Variants in LRRC37A2 observed in about 807,000 individuals in gnomAD.
LRRC37A2 encodes the protein leucine rich repeat containing 37 member A2.
Under a neutral mutation model 68.8 loss-of-function variants are expected in LRRC37A2, and 9 were observed. That is an observed-to-expected ratio of 0.13 (90% CI 0.08 to 0.23). The LOEUF (loss-of-function observed/expected upper bound fraction) is 0.23, where lower values mean the gene tolerates loss of function less well. LRRC37A2 is among the 10% of genes least tolerant of loss of function. LRRC37A2 has a pLI of 1.00. For synonymous variants in LRRC37A2, 63 were observed against 367.6 expected, an observed-to-expected ratio of 0.17 and a Z score of 9.48; for missense variants, 168 against 950.4, an observed-to-expected ratio of 0.18 and a Z score of 10.82.
chr17:46,717,600 T>C, the LRRC37A2 span, among the ~76,000 whole-genome samples: 2 of 152,070 alleles, frequency 1.3e-5, no homozygotes, highest in Non-Finnish European at 2.9e-5. Context: ...TAATGCCAGC[T>C]ACTCAGGAGG....
At chr17:46,955,330 G>A in the LRRC37A2 span, among the ~76,000 whole-genome samples, 113 of 151,176 alleles carry the variant, frequency 7.5e-4, 1 homozygote, top group South Asian at 0.012. Flanking sequence ...ATTGATTTTC[G>A]TATGTTGAAC....
At chr17:46,793,459 CTT>C in the LRRC37A2 span, among the ~76,000 whole-genome samples, 1 of 152,036 alleles carries the variant, frequency 6.6e-6, no homozygotes, top group South Asian at 2.1e-4. Context: ...GCCTATCAGT[CTT>C]TTTTCTTTCG....
chr17:46,739,956 T>C, the LRRC37A2 span, among the ~76,000 whole-genome samples: 1 of 152,208 alleles, frequency 6.6e-6, no homozygotes, highest in Non-Finnish European at 1.5e-5. Context: ...CTCCTCAGCC[T>C]CCCAAAGTGC....
At chr17:46,924,053 A>G in the LRRC37A2 span, among the ~76,000 whole-genome samples, 1 of 152,224 alleles carries the variant, frequency 6.6e-6, no homozygotes, top group Non-Finnish European at 1.5e-5. Context: ...TACATTCACA[A>G]CTTACATCAC....
At chr17:46,931,204 G>A in the LRRC37A2 span, 492,978 of 1,435,212 alleles carry the variant, frequency 0.34, 85,927 homozygotes, top group South Asian at 0.43. Context: ...CAAAATGCCA[G>A]ACTGTAAGTG....
chr17:46,394,798 G>A, the LRRC37A2 span, among the ~76,000 whole-genome samples: 29 of 18,184 alleles, frequency 1.6e-3, no homozygotes, highest in East Asian at 0.015. Context: ...ATAGACCCAA[G>A]ATAATTGAAA....
chr17:46,621,349 C>T, the LRRC37A2 span, among the ~76,000 whole-genome samples: 20 of 137,856 alleles, frequency 1.5e-4, 1 homozygote, highest in East Asian at 3.8e-3. Flanking sequence ...TACAGTGACA[C>T]GATCTCAGCT....
chr17:46,720,906 G>T, the LRRC37A2 span, among the ~76,000 whole-genome samples: 2 of 152,226 alleles, frequency 1.3e-5, no homozygotes, highest in Non-Finnish European at 2.9e-5. Context: ...ATCCCGAAAG[G>T]CTGGGATTAA....
chr17:46,876,274 T>C, the LRRC37A2 span: 1 of 1,613,266 alleles, frequency 6.2e-7, no homozygotes, highest in South Asian at 1.1e-5. Context: ...GGACCACGTG[T>C]AAGTGCCATG....
the LRRC37A2 span, chr17:46,722,245 A>G: frequency 1.7e-6 from 2 of 1,162,124 alleles, no homozygotes; most frequent in African/African-American, 3.0e-5. Flanking sequence ...AAATCCCTAC[A>G]TTCTTAAGAT....
the LRRC37A2 span, among the ~76,000 whole-genome samples, chr17:46,731,300 G>A: frequency 6.6e-6 from 1 of 152,098 alleles, no homozygotes; most frequent in African/African-American, 2.4e-5. Context: ...TATAAAGACA[G>A]AAAATATATT....
At chr17:46,926,883 A>T in the LRRC37A2 span, among the ~76,000 whole-genome samples, 1 of 152,314 alleles carries the variant, frequency 6.6e-6, no homozygotes, top group South Asian at 2.1e-4. Flanking sequence ...TGCCATGTAC[A>T]TCTCCTCAGG....
At chr17:46,819,818 G>A in the LRRC37A2 span, among the ~76,000 whole-genome samples, 9 of 152,364 alleles carry the variant, frequency 5.9e-5, no homozygotes, top group African/African-American at 2.2e-4. This position sits in a 1 kb window ranked among gnomAD's most constrained non-coding sequence, Gnocchi z 5.3. Flanking sequence ...TCCAGAGCGA[G>A]GAATTAGGTC....
At chr17:46,766,739 T>A in the LRRC37A2 span, among the ~76,000 whole-genome samples, 3 of 151,962 alleles carry the variant, frequency 2.0e-5, no homozygotes, top group Non-Finnish European at 4.4e-5. Flanking sequence ...CCTCCCCTAC[T>A]CCCTATGGCA....
At chr17:46,458,528 C>CTTTT in the LRRC37A2 span, among the ~76,000 whole-genome samples, 1 of 52,540 alleles carries the variant, frequency 1.9e-5, no homozygotes, top group African/African-American at 6.6e-5. Flanking sequence ...AATTCTTCTT[C>CTTTT]TTCTTTTTTT....
At chr17:47,019,906 A>G in the LRRC37A2 span, 1,319 of 727,792 alleles carry the variant, frequency 1.8e-3, 5 homozygotes, top group Middle Eastern at 5.8e-3. Context: ...CATATGGACA[A>G]CTGACTTTCT....
the LRRC37A2 span, among the ~76,000 whole-genome samples, chr17:46,881,821 AC>A: frequency 6.6e-6 from 1 of 152,208 alleles, no homozygotes; most frequent in Non-Finnish European, 1.5e-5. Flanking sequence ...CACTTGTGAG[AC>A]CTTTGCAGAC....
At chr17:46,747,095 C>G in the LRRC37A2 span, among the ~76,000 whole-genome samples, 1 of 152,180 alleles carries the variant, frequency 6.6e-6, no homozygotes, top group Non-Finnish European at 1.5e-5. Flanking sequence ...ACCTGATCAT[C>G]CTATAGTGAA....
chr17:46,948,445 CTTTA>C, the LRRC37A2 span: 1 of 152,220 alleles, frequency 6.6e-6, no homozygotes, highest in Non-Finnish European at 1.5e-5. Flanking sequence ...GCCAGTCAGA[CTTTA>C]TTTGTTACAA....
Sources: gnomAD v4.1 joint callset for allele counts (sites outside exome capture counted in the v4.1 genomes callset) on GRCh38, gnomAD v4.1.1 for gene constraint, Gnocchi (gnomAD v3.1) non-coding constraint, MANE v1.5 for transcripts, NCBI Gene and HGNC (gene_info 2026-07-23, HGNC 2026-07-21) for gene names.